KCNMB2: variants seen among roughly 807,000 people sequenced by gnomAD.
KCNMB2 encodes potassium calcium-activated channel subfamily M regulatory beta subunit 2, also known as calcium-activated potassium channel subunit beta-2.
KCNMB2 carries 9 observed loss-of-function variants against 24.5 expected under a neutral mutation model. The observed-to-expected ratio is 0.37, with a 90% CI of 0.22 to 0.64. The LOEUF is 0.64. Among genes scored for constraint, KCNMB2 ranks in the 30% least tolerant of loss-of-function variants. KCNMB2 has a pLI of 0.63. For missense variants in KCNMB2, 226 were observed against 284.3 expected, an observed-to-expected ratio of 0.79 and a Z score of 1.47; for synonymous variants, 109 against 104.4, an observed-to-expected ratio of 1.04 and a Z score of -0.27.
chr3:178,761,730 T>C (rs529920395), intron 1 of KCNMB2, among the ~76,000 whole-genome samples: 12 of 152,264 alleles, frequency 7.9e-5, no homozygotes, highest in African/African-American at 1.7e-4. Context: ...CTGGGAGCTA[T>C]GCCAAGCACT....
At chr3:178,766,161 T>C (rs556551972) in intron 1 of KCNMB2, among the ~76,000 whole-genome samples, 1 of 152,246 alleles carries the variant, frequency 6.6e-6, no homozygotes, top group South Asian at 2.1e-4. Context: ...GAAAAAGAGA[T>C]ATACCCCTCT....
At chr3:178,748,107 G>A (rs553627025) in intron 1 of KCNMB2, among the ~76,000 whole-genome samples, 3 of 149,232 alleles carry the variant, frequency 2.0e-5, no homozygotes, top group Non-Finnish European at 3.0e-5. Context: ...GCCAGTGAAC[G>A]TTCCATATTT....
chr3:178,661,402 T>C (rs1336839539), intron 1 of KCNMB2, among the ~76,000 whole-genome samples: 2 of 152,132 alleles, frequency 1.3e-5, no homozygotes, highest in African/African-American at 4.8e-5. Flanking sequence ...GGCATCTTGG[T>C]TGGTTCTAAG....
intron 1 of KCNMB2, among the ~76,000 whole-genome samples, chr3:178,719,575 G>A (rs149466520): frequency 2.7e-3 from 411 of 152,208 alleles, no homozygotes; most frequent in Middle Eastern, 6.8e-3. Flanking sequence ...ATAAAACCTG[G>A]CTGAGGAATA....
At chr3:178,724,326 T>G (rs1722900527) in intron 1 of KCNMB2, among the ~76,000 whole-genome samples, 1 of 152,110 alleles carries the variant, frequency 6.6e-6, no homozygotes, top group South Asian at 2.1e-4. Context: ...GATCTGTTCA[T>G]GTCCTTTGCC....
chr3:178,691,607 A>G (rs1429349626), intron 1 of KCNMB2, among the ~76,000 whole-genome samples: 2 of 152,174 alleles, frequency 1.3e-5, no homozygotes, highest in African/African-American at 2.4e-5. Context: ...TTATGGCTGC[A>G]TAGTATTCCA....
chr3:178,616,880 T>C (rs1019002918), intron 1 of KCNMB2, among the ~76,000 whole-genome samples: 1 of 152,234 alleles, frequency 6.6e-6, no homozygotes, highest in Non-Finnish European at 1.5e-5. Context: ...TCTAGGTATA[T>C]TATCTCCAAC....
At chr3:178,804,338 C>T (rs1377578529) in intron 1 of KCNMB2, among the ~76,000 whole-genome samples, 1 of 152,110 alleles carries the variant, frequency 6.6e-6, no homozygotes, top group Non-Finnish European at 1.5e-5. Flanking sequence ...TTCTTTGAAG[C>T]CTGGAAATTT....
Position 178,743,620 on chromosome 3 carries a change from G to A in KCNMB2, c.-67-63723G>A, listed in dbSNP as rs369568213. Among the ~76,000 whole-genome samples the A allele has an allele frequency of 3.9e-4, 59 of 152,274 alleles. 1 individual carries two copies. The South Asian group carries it at 0.011, about 28-fold the overall frequency. On this transcript the variant is annotated intron_variant, in intron 1 of 4. Coordinates refer to ENST00000452583, the MANE Select transcript of KCNMB2 (RefSeq NM_181361.3). ...AATAGTGACATTTTCCAATCTCTGC[G>A]TCGTGTTGATCACAAAGTTCCTCTG...
intron 1 of KCNMB2, among the ~76,000 whole-genome samples, chr3:178,571,935 A>T (rs957672798): frequency 6.6e-6 from 1 of 152,114 alleles, no homozygotes; most frequent in African/African-American, 2.4e-5. Flanking sequence ...CTTATCACTG[A>T]TGGGCTTTTG....
At chr3:178,740,723 G>A (rs149116501) in intron 1 of KCNMB2, among the ~76,000 whole-genome samples, 23 of 152,228 alleles carry the variant, frequency 1.5e-4, no homozygotes, top group Non-Finnish European at 2.5e-4. Flanking sequence ...TTTCTGCTTC[G>A]GTGGGAGAAT....
chr3:178,740,140 A>G (rs1723448054), intron 1 of KCNMB2, among the ~76,000 whole-genome samples: 1 of 148,916 alleles, frequency 6.7e-6, no homozygotes, highest in South Asian at 2.1e-4. Context: ...TTTTTTTCAG[A>G]CAGAGTCTTG....
chr3:178,758,119 T>C (rs1343048656), intron 1 of KCNMB2, among the ~76,000 whole-genome samples: 1 of 101,578 alleles, frequency 9.8e-6, no homozygotes, highest in Non-Finnish European at 2.0e-5. Context: ...CAAGAGGATA[T>C]ATATATGTAC....
intron 1 of KCNMB2, among the ~76,000 whole-genome samples, chr3:178,735,984 C>T (rs985240041): frequency 2.0e-5 from 3 of 152,078 alleles, no homozygotes; most frequent in South Asian, 2.1e-4. Context: ...TAAAGTCTGC[C>T]GGTTTTTGGT....
intron 1 of KCNMB2, among the ~76,000 whole-genome samples, chr3:178,558,253 T>C (rs1042703564): frequency 2.0e-5 from 3 of 152,150 alleles, no homozygotes; most frequent in Non-Finnish European, 4.4e-5. Flanking sequence ...CTCAATACAT[T>C]GTTTGAAATC....
At chr3:178,704,364 C>G (rs912773359) in intron 1 of KCNMB2, among the ~76,000 whole-genome samples, 2 of 152,060 alleles carry the variant, frequency 1.3e-5, no homozygotes, top group African/African-American at 2.4e-5. Flanking sequence ...TAGAAGCATA[C>G]TATGTGTTTC....
intron 1 of KCNMB2, among the ~76,000 whole-genome samples, chr3:178,694,711 C>T (rs1432519349): frequency 6.6e-6 from 1 of 152,218 alleles, no homozygotes; most frequent in Admixed American, 6.5e-5. Flanking sequence ...TCTCTCAAAT[C>T]CATGTAATGC....
intron 1 of KCNMB2, among the ~76,000 whole-genome samples, chr3:178,632,167 CA>C (rs1719344567): frequency 6.6e-6 from 1 of 152,168 alleles, no homozygotes; most frequent in African/African-American, 2.4e-5. Flanking sequence ...GCTGAAAACA[CA>C]GGGCTTTGTC....
At chr3:178,657,453 T>G (rs1720385572) in intron 1 of KCNMB2, among the ~76,000 whole-genome samples, 1 of 152,190 alleles carries the variant, frequency 6.6e-6, no homozygotes, top group Non-Finnish European at 1.5e-5. Context: ...ATGCCATCTC[T>G]CTAAATCTTG....
Sources: allele counts gnomAD v4.1 joint callset (sites outside exome capture counted in the v4.1 genomes callset), GRCh38; gene constraint gnomAD v4.1.1; transcripts MANE v1.5; gene names NCBI Gene and HGNC (gene_info 2026-07-23, HGNC 2026-07-21).